Variants in AP3D1 observed in about 807,000 individuals in gnomAD.
The protein encoded by AP3D1 is adaptor related protein complex 3 subunit delta 1.
AP3D1 carries 51 observed loss-of-function variants against 147.6 expected under a neutral mutation model. The ratio of observed to expected loss-of-function variants is 0.35; its 90% confidence interval spans 0.28 to 0.44. The LOEUF (loss-of-function observed/expected upper bound fraction) is 0.44. Among genes scored for constraint, AP3D1 ranks in the 20% least tolerant of loss-of-function variants. The pLI is 1.00. For missense variants in AP3D1, 1,421 were observed against 1,624.2 expected, an observed-to-expected ratio of 0.87 and a Z score of 2.15; for synonymous variants, 760 against 663.0, an observed-to-expected ratio of 1.15 and a Z score of -2.25.
chr19:2,114,736 A>G lies in AP3D1; in HGVS notation c.2423+12T>C. The G allele has an allele frequency of 6.4e-7, 1 of 1,553,080 alleles. No individual in the cohort carries two copies. Among genetic ancestry groups the G allele is most frequent in the East Asian group, 2.5e-5 (1 of 40,724 alleles). Reference sequence around the variant, plus strand: ...TGGCCTCCACCCTCACCCTGAACCCATATGGACTCACTTATCCAGGTCAAT... The same window carrying G: ...TGGCCTCCACCCTCACCCTGAACCCGTATGGACTCACTTATCCAGGTCAAT... On this transcript the variant is annotated intron_variant, in intron 21 of 31. Transcript: ENST00000643116.
At chr19:2,158,642 G>C (rs1181692791) in intron 1 of AP3D1, among the ~76,000 whole-genome samples, 1 of 147,530 alleles carries the variant, frequency 6.8e-6, no homozygotes, top group African/African-American at 2.5e-5. Context: ...ATTCGCTCTT[G>C]TCACCCAGGC....
Position 2,110,192 on chromosome 19 carries a change from T to C in AP3D1, c.3208A>G (p.Ile1070Val). The C allele has an allele frequency of 6.2e-7, 1 of 1,612,660 alleles. No individual in the cohort carries two copies. Among genetic ancestry groups the C allele is most frequent in the Non-Finnish European group, 8.5e-7 (1 of 1,179,952 alleles). Residue 1070 changes from isoleucine (I) to valine (V), a missense_variant, in exon 28 of 32, where the codon ATC (isoleucine) becomes GTC (valine). Transcript: ENST00000643116. Reference sequence around the variant, plus strand: ...TTCTGCGCCATGACGATGCTCTGGATGGTGAACACATACTGGGCTTCGTTG... The same window carrying C: ...TTCTGCGCCATGACGATGCTCTGGACGGTGAACACATACTGGGCTTCGTTG... ...VSNEAQYVFT[I>V]QSIVMAQKLK... is the part of the protein sequence containing the mutation.
chr19:2,130,682 C>T, intron 5 of AP3D1, 145 bp from the exon 6 acceptor site: 2 of 1,300,420 alleles, frequency 1.5e-6, no homozygotes, highest in Non-Finnish European at 1.1e-6. Flanking sequence ...CACAGACCAG[C>T]ATCTTGGATG....
Position 2,115,598 on chromosome 19 carries a change from G to A in AP3D1, c.2089C>T (p.Pro697Ser). 1.2e-6 allele frequency: 2 copies of A among 1,612,918 alleles called. No individual in the cohort carries two copies. The highest frequency in any genetic ancestry group is 2.7e-5 in the African/African-American group (2 of 75,038). The change falls in exon 19 of 32, where the codon CCG (proline) becomes TCG (serine). Residue 697 changes from proline (P) to serine (S), a missense_variant. By Grantham distance (74) the Pro-to-Ser change is moderately conservative. This residue lies in a region of AP3D1 where 791 missense variants were observed against 761.4 expected (regional missense o/e 1.04). Transcript: ENST00000643116. ...ACCACGGGAATGTGCTCCACGCCCG[G>A]GGTGTCCTGGTACCGCTGCAAAGGC... ...PSPQKRYQDT[P>S]GVEHIPVVQI...
At chr19:2,140,541 T>A (rs1421058596) in intron 1 of AP3D1, among the ~76,000 whole-genome samples, 1 of 151,282 alleles carries the variant, frequency 6.6e-6, no homozygotes, top group Non-Finnish European at 1.5e-5. Context: ...AGTGGTGAGA[T>A]CACTGCTCAC....
At chr19:2,136,900 A>C in intron 4 of AP3D1, 111 bp downstream of exon 4, 2 of 1,036,472 alleles carry the variant, frequency 1.9e-6, no homozygotes, top group South Asian at 2.8e-5. Context: ...GCTCGCACTC[A>C]AGGGGGCCAC....
At chr19:2,158,728 C>A (rs1206202854) in intron 1 of AP3D1, among the ~76,000 whole-genome samples, 1 of 151,916 alleles carries the variant, frequency 6.6e-6, no homozygotes, top group Non-Finnish European at 1.5e-5. Flanking sequence ...CTCAGCTTCC[C>A]TAGGAGCCAC....
At chr19:2,122,797 C>T (rs1018297592) in intron 11 of AP3D1, among the ~76,000 whole-genome samples, 5 of 152,156 alleles carry the variant, frequency 3.3e-5, no homozygotes, top group South Asian at 2.1e-4. Flanking sequence ...CTGTTGCAGG[C>T]GAGTTTGCCA....
intron 26 of AP3D1, 54 bp from the exon 27 acceptor site, chr19:2,110,950 G>T: frequency 6.4e-7 from 1 of 1,567,702 alleles, no homozygotes; most frequent in South Asian, 1.1e-5. Context: ...CAGGGAACAG[G>T]CACAGCCACC....
chr19:2,109,713 G>A, intron 29 of AP3D1, 160 bp downstream of exon 29: 1 of 685,860 alleles, frequency 1.5e-6, no homozygotes, highest in Non-Finnish European at 2.5e-6. Context: ...GGCTGGCGCA[G>A]ACACCAGGCA....
chr19:2,110,108 C>G (rs1414570520), intron 28 of AP3D1, 28 bp downstream of exon 28: 2 of 1,608,202 alleles, frequency 1.2e-6, no homozygotes, highest in Non-Finnish European at 1.7e-6. Flanking sequence ...AGAGTCGGCT[C>G]TTCAACGCCA....
chr19:2,127,046 C>CA, intron 9 of AP3D1, 106 bp downstream of exon 9: 26 of 1,234,858 alleles, frequency 2.1e-5, no homozygotes, highest in Non-Finnish European at 2.9e-5. Flanking sequence ...TCAGTTCCAG[C>CA]AGGGGTGGCG....
intron 11 of AP3D1, among the ~76,000 whole-genome samples, chr19:2,122,954 G>C (rs1252344060): frequency 6.6e-6 from 1 of 152,246 alleles, no homozygotes; most frequent in Non-Finnish European, 1.5e-5. Context: ...CCTGGGCAAG[G>C]GTGCTGTGTG....
intron 23 of AP3D1, 42 bp downstream of exon 23, chr19:2,113,294 G>A: frequency 1.0e-6 from 1 of 985,694 alleles, no homozygotes; most frequent in Non-Finnish European, 1.4e-6. Context: ...TATGACCTCT[G>A]CAGACACCGA....
intron 18 of AP3D1, among the ~76,000 whole-genome samples, chr19:2,115,996 C>CGCAG (rs2018436528): frequency 6.6e-6 from 1 of 152,244 alleles, no homozygotes; most frequent in South Asian, 2.1e-4. Flanking sequence ...GGCTGCCAGG[C>CGCAG]GCAGGGAACA....
chr19:2,129,287 T>G (rs764599805), intron 7 of AP3D1, 31 bp downstream of exon 7: 1 of 1,612,582 alleles, frequency 6.2e-7, no homozygotes, highest in Non-Finnish European at 8.5e-7. Context: ...CCACACAGGG[T>G]GAGGAGGCCA....
intron 31 of AP3D1, among the ~76,000 whole-genome samples, chr19:2,106,800 C>CA (rs1268340355): frequency 2.0e-5 from 3 of 152,108 alleles, no homozygotes; most frequent in Non-Finnish European, 2.9e-5. Context: ...CAGCCAGACA[C>CA]AGAAGGATAC....
At chr19:2,127,243 C>A in intron 8 of AP3D1, 42 bp from the exon 9 acceptor site, 2 of 1,605,116 alleles carry the variant, frequency 1.2e-6, no homozygotes, top group Non-Finnish European at 1.7e-6. Context: ...GGACTGGGGG[C>A]CTCGTCAGAT....
intron 8 of AP3D1, among the ~76,000 whole-genome samples, chr19:2,128,336 G>T (rs563534859): frequency 3.9e-5 from 5 of 129,272 alleles, no homozygotes; most frequent in African/African-American, 1.8e-4. Context: ...TCTAGTGGCC[G>T]GGAATGCCAC....
Sources: allele counts gnomAD v4.1 joint callset (sites outside exome capture counted in the v4.1 genomes callset), GRCh38; gene constraint gnomAD v4.1.1; regional missense constraint gnomAD v4.1.1; transcripts MANE v1.5; gene names NCBI Gene and HGNC (gene_info 2026-07-23, HGNC 2026-07-21).